RPS6KA2: variants seen among roughly 807,000 people sequenced by gnomAD.
RPS6KA2 encodes the protein ribosomal protein S6 kinase A2.
A neutral mutation model predicts 91.8 loss-of-function variants in RPS6KA2; 42 were observed. The observed-to-expected ratio is 0.46, with a 90% CI of 0.36 to 0.59. The LOEUF (loss-of-function observed/expected upper bound fraction) is 0.59. RPS6KA2 is among the 20% of genes least tolerant of loss of function. The pLI, the probability that RPS6KA2 is intolerant of heterozygous loss-of-function variation, is 0.00. For synonymous variants in RPS6KA2, 414 were observed against 393.6 expected (o/e 1.05, Z -0.61); for missense variants, 798 against 978.5 (o/e 0.82, Z 2.46).
At chr6:166,468,628 CCA>C (rs1177514993) in intron 11 of RPS6KA2, among the ~76,000 whole-genome samples, 2 of 151,816 alleles carry the variant, frequency 1.3e-5, no homozygotes, top group African/African-American at 4.8e-5. Flanking sequence ...CTTTGGGAGG[CCA>C]AGGTGGGTGG....
At position 166,626,013 on chromosome 6, in the gene RPS6KA2, A is replaced by G. The variant is rs533825221; in HGVS notation, c.99+908T>C. The stretch of plus-strand genomic sequence containing the variant: ...AGATTGTTCCAGCTGAAACAAACCA[A>G]CCAAAACCCCACAGGTGCCAGCCTT... On this transcript the variant is annotated intron_variant, in intron 1 of 20. Transcript: ENST00000265678. The surrounding 1 kb of genome is among the most constrained non-coding windows in gnomAD (Gnocchi z 4.1). Among the ~76,000 whole-genome samples, 8 of 152,208 alleles carry G rather than the reference A, an allele frequency of 5.3e-5. No individual in the cohort carries two copies. The highest frequency in any genetic ancestry group is 1.2e-4 in the Non-Finnish European group (8 of 68,042).
intron 1 of RPS6KA2, among the ~76,000 whole-genome samples, chr6:166,553,384 A>T (rs545395489): frequency 6.6e-6 from 1 of 151,230 alleles, no homozygotes; most frequent in South Asian, 2.1e-4. Flanking sequence ...ACGGACTCCC[A>T]AAATGCTGGG....
chr6:166,814,564 C>G (rs1779715137), intron 2 of RPS6KA2, among the ~76,000 whole-genome samples: 1 of 152,242 alleles, frequency 6.6e-6, no homozygotes, highest in Admixed American at 6.5e-5. Flanking sequence ...GCTCACATTA[C>G]TGCCTGGGCT....
At chr6:166,428,608 G>GA (rs1159594785) in intron 16 of RPS6KA2, among the ~76,000 whole-genome samples, 1,766 of 133,764 alleles carry the variant, frequency 0.013, 38 homozygotes, top group African/African-American at 0.046. Context: ...AAATTTACAA[G>GA]AAAAAAAAAA....
Position 166,597,463 on chromosome 6 carries a change from C to G in RPS6KA2, c.99+29458G>C, listed in dbSNP as rs724959. Reference sequence around the variant, plus strand: ...GCTGGGGAAAAGGACGGCAGTGGAGCGGGTGCTGGGCTGCAGGGTGGAGGA... The same window carrying G: ...GCTGGGGAAAAGGACGGCAGTGGAGGGGGTGCTGGGCTGCAGGGTGGAGGA... On this transcript the variant is annotated intron_variant, in intron 1 of 20. Transcript: ENST00000265678. Among the ~76,000 whole-genome samples, 154 of 152,190 alleles carry G rather than the reference C, an allele frequency of 1.0e-3. 1 individual carries two copies. The highest frequency in any genetic ancestry group is 3.6e-3 in the African/African-American group (148 of 41,512).
At chr6:166,695,632 AGCTCT>A (rs1173935277) in intron 2 of RPS6KA2, among the ~76,000 whole-genome samples, 1 of 152,148 alleles carries the variant, frequency 6.6e-6, no homozygotes, top group Non-Finnish European at 1.5e-5. Context: ...CTCTAGCCTG[AGCTCT>A]GCCTCCTGTC....
At chr6:166,611,983 A>C (rs1786197432) in intron 1 of RPS6KA2, among the ~76,000 whole-genome samples, 1 of 152,226 alleles carries the variant, frequency 6.6e-6, no homozygotes, top group South Asian at 2.1e-4. Context: ...TTTCTCTAAA[A>C]ACAAGGTAGG....
At chr6:166,832,776 G>A (rs1211173010) in intron 2 of RPS6KA2, among the ~76,000 whole-genome samples, 1 of 152,190 alleles carries the variant, frequency 6.6e-6, no homozygotes, top group Admixed American at 6.5e-5. Context: ...CGAAGATCAT[G>A]AATCACTGAA....
intron 1 of RPS6KA2, among the ~76,000 whole-genome samples, chr6:166,625,460 G>T (rs951738481): frequency 6.6e-6 from 1 of 151,832 alleles, no homozygotes; most frequent in Non-Finnish European, 1.5e-5. Context: ...AACTCCCACT[G>T]GTCAGCCAGT....
At chr6:166,585,630 CAA>C (rs757455295) in intron 1 of RPS6KA2, among the ~76,000 whole-genome samples, 12 of 31,974 alleles carry the variant, frequency 3.8e-4, no homozygotes, top group Admixed American at 7.8e-4. Flanking sequence ...TTAACAAATG[CAA>C]AAAAAAAAAA....
chr6:166,859,258 A>G (rs1354288744), intron 1 of RPS6KA2, among the ~76,000 whole-genome samples: 1 of 152,230 alleles, frequency 6.6e-6, no homozygotes. Flanking sequence ...CCCAGAGAGA[A>G]AAATCATGCT....
intron 3 of RPS6KA2, among the ~76,000 whole-genome samples, chr6:166,522,778 G>A (rs3799658): frequency 0.087 from 13,240 of 152,186 alleles, 677 homozygotes; most frequent in East Asian, 0.17. Context: ...GCCATCGTGT[G>A]GCTAAACTTT....
At chr6:166,860,745 G>A (rs1360622195) in intron 1 of RPS6KA2, among the ~76,000 whole-genome samples, 5 of 152,176 alleles carry the variant, frequency 3.3e-5, no homozygotes, top group Admixed American at 1.3e-4. Context: ...ACTAGTAAAT[G>A]AGAAAAGAAC....
chr6:166,677,821 C>T (rs1185438959), intron 2 of RPS6KA2, among the ~76,000 whole-genome samples: 2 of 152,124 alleles, frequency 1.3e-5, no homozygotes, highest in African/African-American at 4.8e-5. Flanking sequence ...ACAAGACTGG[C>T]CTGGTCTGGT....
chr6:166,441,390 A>C lies in RPS6KA2; in HGVS notation c.1332+7334T>G, dbSNP rs575193543. Among the ~76,000 whole-genome samples the C allele has an allele frequency of 6.2e-4, 95 of 152,244 alleles. 2 individuals are homozygous for C. In the South Asian group the frequency reaches 0.019, roughly 31 times the overall value. On this transcript the variant is annotated intron_variant, in intron 14 of 20. Transcript: ENST00000265678. ...TTCAAATTTTCACATGATTTCTATG[A>C]AAAATGCATTTTGATCCCTAAAGAC...
intron 2 of RPS6KA2, among the ~76,000 whole-genome samples, chr6:166,710,978 C>G (rs138063027): frequency 6.6e-6 from 1 of 152,232 alleles, no homozygotes; most frequent in East Asian, 1.9e-4. Context: ...CACAGAAAAA[C>G]CTTGGCCCCA....
chr6:166,533,284 T>C lies in RPS6KA2; in HGVS notation c.217-1971A>G, dbSNP rs909887253. ...GCCTAATGTCCCTAGGTTGACTTGA[T>C]GAGTGGTGCTGTGGAGATCAGGACC... On this transcript the variant is annotated intron_variant, in intron 2 of 20. Transcript: ENST00000265678. This position sits in a 1 kb window ranked among gnomAD's most constrained non-coding sequence, Gnocchi z 4.0. Among the ~76,000 whole-genome samples, 1 of 152,214 alleles carries C rather than the reference T, an allele frequency of 6.6e-6. No homozygotes were observed. Among genetic ancestry groups the C allele is most frequent in the Non-Finnish European group, 1.5e-5 (1 of 68,034 alleles).
At chr6:166,550,585 T>G (rs1233615140) in intron 1 of RPS6KA2, among the ~76,000 whole-genome samples, 40 of 152,178 alleles carry the variant, frequency 2.6e-4, no homozygotes, top group Non-Finnish European at 8.8e-5. Flanking sequence ...GACGGCAACA[T>G]GCACTTCCCA....
chr6:166,797,604 G>A (rs1779258568), intron 2 of RPS6KA2, among the ~76,000 whole-genome samples: 1 of 152,110 alleles, frequency 6.6e-6, no homozygotes, highest in Non-Finnish European at 1.5e-5. Context: ...CCATTAAGTG[G>A]AAATGGATCC....
Sources: gnomAD v4.1 joint callset for allele counts (sites outside exome capture counted in the v4.1 genomes callset) on GRCh38, gnomAD v4.1.1 for gene constraint, Gnocchi (gnomAD v3.1) non-coding constraint, MANE v1.5 for transcripts, NCBI Gene and HGNC (gene_info 2026-07-23, HGNC 2026-07-21) for gene names.